The following ABCB1 variants were observed in gnomAD, a reference collection of about 807,000 sequenced individuals.
ABCB1 encodes ATP binding cassette subfamily B member 1.
Under a neutral mutation model 142.0 loss-of-function variants are expected in ABCB1, and 69 were observed. The observed-to-expected ratio is 0.49, with a 90% CI of 0.40 to 0.59. The LOEUF (loss-of-function observed/expected upper bound fraction) is 0.59. ABCB1 is among the 20% of genes least tolerant of loss of function. ABCB1 has a pLI of 0.00. For synonymous variants in ABCB1, 532 were observed against 539.2 expected, an observed-to-expected ratio of 0.99 and a Z score of 0.18; for missense variants, 1,326 against 1,554.7, an observed-to-expected ratio of 0.85 and a Z score of 2.47.
chr7:87,554,762 C>A (rs1003014833), intron 8 of ABCB1, among the ~76,000 whole-genome samples: 1 of 152,200 alleles, frequency 6.6e-6, no homozygotes, highest in African/African-American at 2.4e-5. Flanking sequence ...CGGCTTCTGA[C>A]TAACTCAAGG....
chr7:87,511,831 C>G (rs928273513), intron 25 of ABCB1, among the ~76,000 whole-genome samples: 6 of 152,142 alleles, frequency 3.9e-5, no homozygotes, highest in Admixed American at 1.3e-4. Flanking sequence ...CAGACAATGA[C>G]AAGCAGCTTC....
intron 25 of ABCB1, among the ~76,000 whole-genome samples, chr7:87,513,243 C>CCTTTT (rs4148752): frequency 0.62 from 94,548 of 151,324 alleles, 30,356 homozygotes; most frequent in African/African-American, 0.79. Context: ...CAAATAGCCT[C>CCTTTT]CTTTCACTCT....
At chr7:87,617,170 G>A (rs946280570) in intron 1 of ABCB1, among the ~76,000 whole-genome samples, 2 of 152,136 alleles carry the variant, frequency 1.3e-5, no homozygotes, top group Non-Finnish European at 2.9e-5. Flanking sequence ...TTGAAGACAT[G>A]GATCTGTTTG....
intron 1 of ABCB1, chr7:87,651,007 C>A: frequency 1.1e-6 from 1 of 882,342 alleles, no homozygotes; most frequent in Non-Finnish European, 1.8e-6. Context: ...TTTTAGAAAT[C>A]ATACAGTCTG....
At chr7:87,646,473 T>C (rs1467399465) in intron 1 of ABCB1, among the ~76,000 whole-genome samples, 1 of 152,170 alleles carries the variant, frequency 6.6e-6, no homozygotes, top group Non-Finnish European at 1.5e-5. Context: ...TGGTGTATTT[T>C]ATGGAGATGC....
chr7:87,618,705 C>T (rs1489054518), intron 1 of ABCB1, among the ~76,000 whole-genome samples: 1 of 152,194 alleles, frequency 6.6e-6, no homozygotes, highest in Non-Finnish European at 1.5e-5. Context: ...ATTAAGGTTA[C>T]TAATCAGTTG....
At chr7:87,654,981 A>G (rs955861912) in intron 1 of ABCB1, among the ~76,000 whole-genome samples, 2 of 152,134 alleles carry the variant, frequency 1.3e-5, no homozygotes, top group African/African-American at 4.8e-5. Context: ...AATTAAAACC[A>G]TAGTGAGATA....
At chr7:87,683,763 C>T (rs972486222) in intron 1 of ABCB1, among the ~76,000 whole-genome samples, 3 of 152,138 alleles carry the variant, frequency 2.0e-5, no homozygotes, top group African/African-American at 7.2e-5. Flanking sequence ...GACAGGGAGA[C>T]ACAAAGTAAG....
chr7:87,531,689 T>C, intron 20 of ABCB1, 192 bp from the exon 21 acceptor site: 1 of 588,810 alleles, frequency 1.7e-6, no homozygotes, highest in Non-Finnish European at 3.0e-6. Flanking sequence ...ATGCTGAAAG[T>C]AGAATATCAA....
At chr7:87,634,448 C>T (rs1821539398) in intron 1 of ABCB1, among the ~76,000 whole-genome samples, 1 of 146,232 alleles carries the variant, frequency 6.8e-6, no homozygotes, top group Non-Finnish European at 1.5e-5. Context: ...ATGGTGAAAC[C>T]CCGTCTCTAC....
chr7:87,682,530 T>A (rs765754004), intron 1 of ABCB1, among the ~76,000 whole-genome samples: 2 of 152,216 alleles, frequency 1.3e-5, no homozygotes, highest in Non-Finnish European at 2.9e-5. Flanking sequence ...TTAGAAGCCA[T>A]GAAAACAACA....
At position 87,566,864 on chromosome 7, in the gene ABCB1, A is replaced by G. The variant is rs754111890; in HGVS notation, c.451T>C (p.Phe151Leu). 19 of 1,613,988 alleles carry G rather than the reference A, an allele frequency of 1.2e-5. No individual in the cohort carries two copies. The highest frequency in any genetic ancestry group is 1.4e-5 in the Non-Finnish European group (17 of 1,180,032). ...GRQIHKIRKQ[F>L]FHAIMRQEIG... ...TCCTGTCGCATTATAGCATGAAAAAACTGTTTTCTAATTTTGTGTATTTGT... is the reference window on the plus strand; with the variant it reads ...TCCTGTCGCATTATAGCATGAAAAAGCTGTTTTCTAATTTTGTGTATTTGT... Residue 151 changes from phenylalanine to leucine, a missense_variant, in exon 6 of 28, where the codon TTT becomes CTT. Phe to Leu is a conservative substitution (Grantham distance 22). Transcript: ENST00000622132.
intron 1 of ABCB1, among the ~76,000 whole-genome samples, chr7:87,651,655 T>C (rs1219785288): frequency 6.6e-6 from 1 of 152,134 alleles, no homozygotes; most frequent in Non-Finnish European, 1.5e-5. Flanking sequence ...ATCTTAATGA[T>C]ACAGTTTCAC....
chr7:87,504,552 T>C, intron 27 of ABCB1, 103 bp from the exon 28 acceptor site: 1 of 1,486,658 alleles, frequency 6.7e-7, no homozygotes, highest in African/African-American at 1.4e-5. Flanking sequence ...CTCACGCCTG[T>C]AATCCCAGCA....
At chr7:87,528,561 C>A (rs1815899175) in intron 21 of ABCB1, among the ~76,000 whole-genome samples, 1 of 152,072 alleles carries the variant, frequency 6.6e-6, no homozygotes, top group Non-Finnish European at 1.5e-5. Flanking sequence ...TCAAGGGTCA[C>A]CTGTATTTTA....
chr7:87,532,763 C>T (rs375167901), intron 20 of ABCB1, among the ~76,000 whole-genome samples: 1 of 152,162 alleles, frequency 6.6e-6, no homozygotes, highest in African/African-American at 2.4e-5. Flanking sequence ...AATTTTTTCA[C>T]TTTCTTAATA....
At chr7:87,568,245 T>TAATAATAATAATAATAACAATAAC (rs773965042) in intron 5 of ABCB1, among the ~76,000 whole-genome samples, 16 of 128,500 alleles carry the variant, frequency 1.2e-4, no homozygotes, top group African/African-American at 4.6e-4. Context: ...AATACGACAA[T>TAATAATAATAATAATAACAATAAC]AATAATAATA....
chr7:87,647,854 T>C (rs1222245620), intron 1 of ABCB1, among the ~76,000 whole-genome samples: 3 of 151,942 alleles, frequency 2.0e-5, no homozygotes, highest in East Asian at 1.9e-4. Context: ...AAAGAGTAAA[T>C]TGGCCAACTT....
At chr7:87,588,536 T>C (rs1018813845) in intron 3 of ABCB1, among the ~76,000 whole-genome samples, 1 of 152,248 alleles carries the variant, frequency 6.6e-6, no homozygotes, top group Non-Finnish European at 1.5e-5. Flanking sequence ...GGCTGCATGG[T>C]GTTCAATGCT....
Sources: allele counts gnomAD v4.1 joint callset (sites outside exome capture counted in the v4.1 genomes callset), GRCh38; gene constraint gnomAD v4.1.1; transcripts MANE v1.5; gene names NCBI Gene and HGNC (gene_info 2026-07-23, HGNC 2026-07-21).